CASZ1: variants seen among roughly 807,000 people sequenced by gnomAD.
The protein encoded by CASZ1 is castor zinc finger 1.
Under a neutral mutation model 135.2 loss-of-function variants are expected in CASZ1, and 28 were observed. That is an observed-to-expected ratio of 0.21 (90% CI 0.15 to 0.28). The LOEUF (loss-of-function observed/expected upper bound fraction) is 0.28. CASZ1 is among the 10% of genes least tolerant of loss of function. The pLI is 1.00. For missense variants in CASZ1, 2,161 were observed against 2,453.3 expected (o/e 0.88, Z 2.52); for synonymous variants, 1,068 against 1,073.4 (o/e 0.99, Z 0.10).
chr1:10,655,890 G>A, intron 8 of CASZ1, 77 bp from the exon 9 acceptor site: 1 of 1,476,108 alleles, frequency 6.8e-7, no homozygotes. Flanking sequence ...AAGAGCACCT[G>A]GGCCAGGTGC....
chr1:10,665,493 T>C lies in CASZ1; in HGVS notation c.95A>G (p.Asn32Ser), dbSNP rs768226937. ...GCGGCTCAGCTTGGCGCAGATGGCG[T>C]TCAGCTTCAGGCCACCCTTGCGTTT... ...APKRKGGLKL[N>S]AICAKLSRQV... Residue 32 changes from asparagine (N) to serine (S), a missense_variant, in exon 5 of 21, where the codon AAC becomes AGC. Coordinates refer to ENST00000377022, the MANE Select transcript of CASZ1 (RefSeq NM_001079843.3). The C allele has an allele frequency of 1.2e-6, 2 of 1,606,140 alleles. No homozygotes were observed. Among genetic ancestry groups the C allele is most frequent in the Non-Finnish European group, 1.7e-6 (2 of 1,179,502 alleles).
rs1488312049 is a variant in CASZ1 at position 10,755,946 on chromosome 1, C to G, written c.-77+4755G>C. On this transcript the variant is annotated intron_variant, in intron 2 of 20. Transcript: ENST00000377022. This position sits in a 1 kb window ranked among gnomAD's most constrained non-coding sequence, Gnocchi z 4.3. Reference sequence around the variant, plus strand: ...AGGATGGCATGAGAACTGTCCAGTCCAGTTAGGAGTGAAGGTCACGGATCT... The same window carrying G: ...AGGATGGCATGAGAACTGTCCAGTCGAGTTAGGAGTGAAGGTCACGGATCT... 6.6e-6 allele frequency among the ~76,000 whole-genome samples: 1 copy of G among 151,836 alleles called. No homozygotes were observed. The highest frequency in any genetic ancestry group is 2.4e-5 in the African/African-American group (1 of 41,304).
intron 1 of CASZ1, among the ~76,000 whole-genome samples, chr1:10,790,470 T>C (rs1640936405): frequency 6.6e-6 from 1 of 152,254 alleles, no homozygotes; most frequent in South Asian, 2.1e-4. Context: ...CCTCTGCTCA[T>C]GTCTGTTTTT....
chr1:10,659,716 G>T lies in CASZ1; in HGVS notation c.1326C>A (p.Thr442=). The change falls in exon 6 of 21, where the codon ACC becomes ACA. Residue 442 remains threonine (T), a synonymous_variant. Transcript: ENST00000377022. The part of the protein sequence containing the change: ...FSKTDSITTG[T]VSTVKNGLPT... ...GAGCGCCTTACTTGACAGTGGAGACGGTCCCCGTGGTGATGGAGTCTGTTT... is the reference window on the plus strand; with the variant it reads ...GAGCGCCTTACTTGACAGTGGAGACTGTCCCCGTGGTGATGGAGTCTGTTT... 1 of 1,613,708 alleles carries T rather than the reference G, an allele frequency of 6.2e-7. No individual in the cohort carries two copies. Among genetic ancestry groups the T allele is most frequent in the Non-Finnish European group, 8.5e-7 (1 of 1,179,610 alleles).
chr1:10,794,230 G>A lies in CASZ1; in HGVS notation c.-234+2334C>T, dbSNP rs942877291. Among the ~76,000 whole-genome samples, 2 of 152,006 alleles carry A rather than the reference G, an allele frequency of 1.3e-5. No homozygotes were observed. The highest frequency in any genetic ancestry group is 2.9e-5 in the Non-Finnish European group (2 of 67,966). ...GCGCGCGCGTCGTGGGTTGGGCGGGGGGACACCAAGATTATCCGGCGATCT... is the reference window on the plus strand; with the variant it reads ...GCGCGCGCGTCGTGGGTTGGGCGGGAGGACACCAAGATTATCCGGCGATCT... On this transcript the variant is annotated intron_variant, in intron 1 of 20. Coordinates refer to ENST00000377022, the MANE Select transcript of CASZ1 (RefSeq NM_001079843.3). This position sits in a 1 kb window ranked among gnomAD's most constrained non-coding sequence, Gnocchi z 5.6.
chr1:10,785,863 G>A (rs114596278), intron 1 of CASZ1, among the ~76,000 whole-genome samples: 3,352 of 152,310 alleles, frequency 0.022, 65 homozygotes, highest in Non-Finnish European at 0.034. Flanking sequence ...GCTCAAAGTG[G>A]AACCCCAGCA....
chr1:10,728,241 A>G (rs1397545867), intron 2 of CASZ1, among the ~76,000 whole-genome samples: 2 of 152,136 alleles, frequency 1.3e-5, no homozygotes, highest in African/African-American at 4.8e-5. Flanking sequence ...GAGGCCATCA[A>G]CTGGGCACCT....
intron 2 of CASZ1, among the ~76,000 whole-genome samples, chr1:10,736,402 C>G (rs2100519579): frequency 6.6e-6 from 1 of 152,316 alleles, no homozygotes; most frequent in Non-Finnish European, 1.5e-5. Flanking sequence ...AACCCCGAAC[C>G]CGGGGAGTCC....
chr1:10,693,750 C>A, intron 4 of CASZ1, 124 bp downstream of exon 4: 1 of 782,926 alleles, frequency 1.3e-6, no homozygotes, highest in Non-Finnish European at 2.2e-6. Context: ...CGGGAGGCAG[C>A]CGCCCGACCC....
rs1397942263 is a variant in CASZ1, at chr1:10,767,835, C to CA, written c.-233-6979_-233-6978insT. 6.6e-6 allele frequency among the ~76,000 whole-genome samples: 1 copy of CA among 152,154 alleles called. No individual in the cohort carries two copies. The highest frequency in any genetic ancestry group is 1.5e-5 in the Non-Finnish European group (1 of 68,028). ...CCCGGGGATCACTTCCCTCGCTGGC[C>CA]CTGTCCACAGCCCTCGGCCCATGAG... On this transcript the variant is annotated intron_variant, in intron 1 of 20. Transcript: ENST00000377022. The surrounding 1 kb of genome is among the most constrained non-coding windows in gnomAD (Gnocchi z 4.2).
chr1:10,740,480 C>T (rs1639893404), intron 2 of CASZ1, among the ~76,000 whole-genome samples: 1 of 152,172 alleles, frequency 6.6e-6, no homozygotes, highest in African/African-American at 2.4e-5. Flanking sequence ...CTGAGGGTCC[C>T]CCCAAGCCAG....
intron 1 of CASZ1, among the ~76,000 whole-genome samples, chr1:10,795,004 C>T (rs1641037929): frequency 6.6e-6 from 1 of 152,000 alleles, no homozygotes; most frequent in African/African-American, 2.4e-5. Context: ...CCGCCAGCTC[C>T]CGGCAGTGCT....
chr1:10,661,766 A>G (rs544681768), intron 5 of CASZ1, among the ~76,000 whole-genome samples: 2 of 150,236 alleles, frequency 1.3e-5, no homozygotes, highest in East Asian at 4.0e-4. Context: ...TCTCACCCAC[A>G]GTCACATGCA....
At chr1:10,672,871 CG>C (rs1391659318) in intron 4 of CASZ1, among the ~76,000 whole-genome samples, 2 of 152,240 alleles carry the variant, frequency 1.3e-5, no homozygotes, top group Non-Finnish European at 2.9e-5. Context: ...CTCCGTTCCA[CG>C]TCCGCCTCCT....
intron 1 of CASZ1, among the ~76,000 whole-genome samples, chr1:10,769,579 T>G (rs922229647): frequency 6.6e-6 from 1 of 152,054 alleles, no homozygotes; most frequent in African/African-American, 2.4e-5. Context: ...TGCAGTGGGG[T>G]GATCTCGGCT....
chr1:10,795,715 G>A (rs903544740), intron 1 of CASZ1, among the ~76,000 whole-genome samples: 1 of 152,204 alleles, frequency 6.6e-6, no homozygotes, highest in Non-Finnish European at 1.5e-5. Context: ...GCAGGGGGTG[G>A]GGTGGGGAAG....
chr1:10,677,249 G>A (rs1298734487), intron 4 of CASZ1, among the ~76,000 whole-genome samples: 3 of 152,174 alleles, frequency 2.0e-5, no homozygotes, highest in South Asian at 2.1e-4. Context: ...GGAGGCAGAC[G>A]GAGTCACCCA....
At chr1:10,772,251 G>T (rs895116534) in intron 1 of CASZ1, among the ~76,000 whole-genome samples, 3 of 152,174 alleles carry the variant, frequency 2.0e-5, no homozygotes, top group South Asian at 2.1e-4. Context: ...GTCTGCCCAG[G>T]CCACATTGCA....
rs1639618441 is a variant in CASZ1, at chr1:10,727,480, C to CG, written c.-76-21937_-76-21936insC. On this transcript the variant is annotated intron_variant, in intron 2 of 20. Coordinates refer to ENST00000377022, the MANE Select transcript of CASZ1 (RefSeq NM_001079843.3). This position sits in a 1 kb window ranked among gnomAD's most constrained non-coding sequence, Gnocchi z 5.3. ...CCGGGCCCAGGGGATTCAGCACAGC[C>CG]CAACAGTGCCCCAGTGCCCACCCTC... Among the ~76,000 whole-genome samples, 1 of 152,072 alleles carries CG rather than the reference C, an allele frequency of 6.6e-6. No homozygotes were observed. Among genetic ancestry groups the CG allele is most frequent in the Non-Finnish European group, 1.5e-5 (1 of 67,996 alleles).
Sources: allele counts gnomAD v4.1 joint callset (sites outside exome capture counted in the v4.1 genomes callset), GRCh38; gene constraint gnomAD v4.1.1; non-coding constraint Gnocchi (gnomAD v3.1); transcripts MANE v1.5; gene names NCBI Gene and HGNC (gene_info 2026-07-23, HGNC 2026-07-21).